Variants in IFT74 observed in about 807,000 individuals in gnomAD.
IFT74 encodes the protein intraflagellar transport protein 74 homolog.
Under a neutral mutation model 96.7 loss-of-function variants are expected in IFT74, and 92 were observed. The ratio of observed to expected loss-of-function variants is 0.95; its 90% CI spans 0.80 to 1.13. IFT74 has a LOEUF of 1.13. Ranked by LOEUF, IFT74 falls within the 50% of genes most tolerant of loss-of-function variation. The pLI is 0.00. For missense variants in IFT74, 811 were observed against 698.2 expected (o/e 1.16, Z -1.82); for synonymous variants, 223 against 213.2 (o/e 1.05, Z -0.40).
At chr9:26,976,752 T>C (rs1315820034) in intron 2 of IFT74, 1 of 455,936 alleles carries the variant, frequency 2.2e-6, no homozygotes, top group Non-Finnish European at 4.4e-6. Context: ...AACCTTGCCA[T>C]ATCTCACATC....
At chr9:27,049,600 G>A (rs932747948) in intron 16 of IFT74, among the ~76,000 whole-genome samples, 2 of 152,264 alleles carry the variant, frequency 1.3e-5, no homozygotes, top group South Asian at 2.1e-4. Flanking sequence ...GTTTGGTCAA[G>A]GATTGAATCT....
At chr9:27,042,001 A>T (rs1819500683) in intron 13 of IFT74, among the ~76,000 whole-genome samples, 1 of 152,176 alleles carries the variant, frequency 6.6e-6, no homozygotes, top group Non-Finnish European at 1.5e-5. Context: ...GGCAACTAGG[A>T]GGATGACTTT....
intron 14 of IFT74, among the ~76,000 whole-genome samples, chr9:27,045,710 G>A (rs1004496329): frequency 6.6e-6 from 1 of 152,042 alleles, no homozygotes; most frequent in African/African-American, 2.4e-5. Context: ...CTGAATTCTA[G>A]CGAAGTGCTA....
intron 1 of IFT74, among the ~76,000 whole-genome samples, chr9:26,957,592 T>A (rs1409890565): frequency 2.0e-5 from 3 of 152,188 alleles, no homozygotes; most frequent in Non-Finnish European, 4.4e-5. Flanking sequence ...AAACTCAAAA[T>A]TGGTGCCCAG....
chr9:27,022,618 G>A (rs1193338706), intron 12 of IFT74, among the ~76,000 whole-genome samples: 3 of 150,354 alleles, frequency 2.0e-5, no homozygotes, highest in Non-Finnish European at 3.0e-5. Flanking sequence ...TTTCACAGCT[G>A]TTGTGAAAGG....
At chr9:26,979,913 C>A (rs545270081) in intron 3 of IFT74, among the ~76,000 whole-genome samples, 138 of 151,884 alleles carry the variant, frequency 9.1e-4, no homozygotes, top group African/African-American at 3.2e-3. Context: ...TGGGGTTTCA[C>A]CATATTGGCC....
At chr9:26,973,681 T>C (rs1032288799) in intron 2 of IFT74, among the ~76,000 whole-genome samples, 11 of 152,196 alleles carry the variant, frequency 7.2e-5, no homozygotes, top group African/African-American at 2.7e-4. Flanking sequence ...ATCTTGATGT[T>C]TGACTTTTGT....
At position 27,048,258 on chromosome 9, in the gene IFT74, T is replaced by C; in HGVS notation, c.1317T>C (p.Ala439=). Residue 439 remains alanine (A), a synonymous_variant, in exon 16 of 20, where the codon GCT becomes GCC. Coordinates refer to ENST00000380062, the MANE Select transcript of IFT74 (RefSeq NM_025103.4). ...STEVQKSQST[A]QNLTSDIQRL... is the part of the protein sequence containing the mutation. ...AAGTGCAGAAATCACAAAGTACAGCTCAGAATTTGACTTCAGGTGAGAAAA... is the reference window on the plus strand; with the variant it reads ...AAGTGCAGAAATCACAAAGTACAGCCCAGAATTTGACTTCAGGTGAGAAAA... 1 of 1,592,526 alleles carries C rather than the reference T, an allele frequency of 6.3e-7. No homozygotes were observed. The highest frequency in any genetic ancestry group is 1.2e-5 in the South Asian group (1 of 85,172).
At chr9:27,018,835 T>A (rs532453955) in intron 12 of IFT74, 148 bp downstream of exon 12, 1 of 424,330 alleles carries the variant, frequency 2.4e-6, no homozygotes, top group Non-Finnish European at 4.3e-6. Context: ...CATAGTATAA[T>A]TTTTTTATAA....
chr9:26,998,266 CATT>C lies in IFT74; in HGVS notation c.587+8073_587+8075del, dbSNP rs781383201. ...CCTAGAAAAACAAAAAAAAGAAAGGCATTAATCAGAAAAAAAATTAATAGAATT... is the reference window on the plus strand; with the variant it reads ...CCTAGAAAAACAAAAAAAAGAAAGGCAATCAGAAAAAAAATTAATAGAATT... On this transcript the variant is annotated intron_variant, in intron 8 of 19. Coordinates refer to ENST00000380062, the MANE Select transcript of IFT74 (RefSeq NM_025103.4). 23 of 1,285,032 alleles carry C rather than the reference CATT, an allele frequency of 1.8e-5. No individual in the cohort carries two copies. In the South Asian group the frequency reaches 4.0e-4, roughly 22 times the overall value. The allele number at this position is 1,285,032 out of a possible 1,614,324, so 79.6% of individuals were successfully genotyped here. A position where few individuals can be genotyped will look rare whatever the true frequency, so the allele number is the denominator to read the frequency against.
In IFT74 at chr9:27,009,310, A is replaced by G. The variant is rs187443204; in HGVS notation, c.726+152A>G. On this transcript the variant is annotated intron_variant, in intron 9 of 19. Coordinates refer to ENST00000380062, the MANE Select transcript of IFT74 (RefSeq NM_025103.4). The stretch of plus-strand genomic sequence containing the variant: ...CAAGGTCCCCATCTGATTCATACGT[A>G]TATTCACATTTCAGAAGAATTTATT... The G allele has an allele frequency of 3.5e-5, 19 of 543,254 alleles. No homozygotes were observed. The East Asian group carries it at 5.4e-4, about 15-fold the overall frequency. 33.7% of individuals were successfully genotyped at this position (543,254 alleles called of 1,614,324 possible).
intron 2 of IFT74, among the ~76,000 whole-genome samples, chr9:26,973,056 A>G (rs1356843083): frequency 3.3e-5 from 5 of 152,152 alleles, no homozygotes; most frequent in South Asian, 2.1e-4. Flanking sequence ...CTGTCCATCA[A>G]TATTGTTGTT....
chr9:27,027,562 G>A (rs1262939960), intron 12 of IFT74, among the ~76,000 whole-genome samples: 1 of 152,092 alleles, frequency 6.6e-6, no homozygotes, highest in Non-Finnish European at 1.5e-5. Flanking sequence ...TTTGTTTGAT[G>A]GCTAATGATG....
chr9:27,021,370 A>G (rs547935075), intron 12 of IFT74, among the ~76,000 whole-genome samples: 10 of 152,304 alleles, frequency 6.6e-5, no homozygotes, highest in African/African-American at 2.4e-4. Context: ...CGCTAGATCA[A>G]ATGGTAGACC....
intron 2 of IFT74, among the ~76,000 whole-genome samples, chr9:26,968,059 G>A (rs1826702483): frequency 7.4e-6 from 1 of 134,852 alleles, no homozygotes; most frequent in Non-Finnish European, 1.6e-5. Context: ...TTCTTCATAT[G>A]TCTTGTCTTT....
intron 16 of IFT74, among the ~76,000 whole-genome samples, chr9:27,048,845 T>C (rs1045369997): frequency 1.3e-5 from 2 of 152,158 alleles, no homozygotes; most frequent in Non-Finnish European, 2.9e-5. Flanking sequence ...TTGAGGAAAA[T>C]ACTCCTGAGT....
At chr9:27,050,650 G>A (rs1161777009) in intron 16 of IFT74, among the ~76,000 whole-genome samples, 2 of 148,018 alleles carry the variant, frequency 1.4e-5, no homozygotes, top group Non-Finnish European at 3.0e-5. Context: ...GCTAACTTAA[G>A]AATGTTGAAA....
At chr9:27,003,290 A>G (rs1284939895) in intron 8 of IFT74, among the ~76,000 whole-genome samples, 1 of 152,084 alleles carries the variant, frequency 6.6e-6, no homozygotes, top group African/African-American at 2.4e-5. Flanking sequence ...TGGGAGGCCG[A>G]GGCGGGCAGA....
At chr9:27,034,670 A>G (rs916870113) in intron 13 of IFT74, among the ~76,000 whole-genome samples, 14 of 152,328 alleles carry the variant, frequency 9.2e-5, no homozygotes, top group Middle Eastern at 3.4e-3. Flanking sequence ...CTGGGATTAC[A>G]GGCATGCGCC....
Sources: allele counts gnomAD v4.1 joint callset (sites outside exome capture counted in the v4.1 genomes callset), GRCh38; gene constraint gnomAD v4.1.1; transcripts MANE v1.5; gene names NCBI Gene and HGNC (gene_info 2026-07-23, HGNC 2026-07-21).